The following LRCH3 variants were observed in gnomAD, a reference collection of about 807,000 sequenced individuals.
LRCH3 encodes the protein DISP complex protein LRCH3.
Under a neutral mutation model 104.5 loss-of-function variants are expected in LRCH3, and 68 were observed. The observed-to-expected ratio is 0.65, with a 90% CI of 0.54 to 0.80. The LOEUF (loss-of-function observed/expected upper bound fraction) is 0.80. LRCH3 is among the 30% of genes least tolerant of loss of function. LRCH3 has a pLI of 0.00. For missense variants in LRCH3, 951 were observed against 953.9 expected (o/e 1.00, Z 0.04); for synonymous variants, 344 against 361.3 (o/e 0.95, Z 0.54).
At chr3:197,797,919 A>C (rs988746415) in intron 1 of LRCH3, among the ~76,000 whole-genome samples, 1 of 151,514 alleles carries the variant, frequency 6.6e-6, no homozygotes, top group African/African-American at 2.4e-5. Context: ...TCCTAAAACC[A>C]GAAGGAACCA....
At position 197,886,156 on chromosome 3, in the gene LRCH3, T is replaced by C. The variant is rs1313042741; in HGVS notation, c.*2490T>C. On this transcript the variant is annotated 3_prime_UTR_variant, in exon 21 of 21. Coordinates refer to ENST00000425562, the MANE Select transcript of LRCH3 (RefSeq NM_001365715.1). ...GAGTTTGAGAGCAGCCTGGGCAACA[T>C]AGCAAGACCCTGTCTCCCAAAAATT... 1 of 142,620 alleles carries C rather than the reference T, an allele frequency of 7.0e-6. No homozygotes were observed. Among genetic ancestry groups the C allele is most frequent in the East Asian group, 2.1e-4 (1 of 4,858 alleles). 8.8% of individuals were successfully genotyped at this position (142,620 alleles called of 1,614,324 possible).
chr3:197,839,475 CTGTG>C, intron 10 of LRCH3, 78 bp downstream of exon 10: 2 of 813,238 alleles, frequency 2.5e-6, no homozygotes, highest in Non-Finnish European at 3.9e-6. Context: ...TTATGCAGAT[CTGTG>C]TGTAATAAAG....
chr3:197,817,333 T>TGTGTGTGTATTTTGTGTGTGTGTGCGTGC lies in LRCH3; in HGVS notation c.534+39_534+40insATTTTGTGTGTGTGTGCGTGCGTGTGTGT. The TGTGTGTGTATTTTGTGTGTGTGTGCGTGC allele has an allele frequency of 7.8e-6, 4 of 509,900 alleles. 2 individuals are homozygous for TGTGTGTGTATTTTGTGTGTGTGTGCGTGC. Among genetic ancestry groups the TGTGTGTGTATTTTGTGTGTGTGTGCGTGC allele is most frequent in the Non-Finnish European group, 1.1e-5 (4 of 355,298 alleles). 31.6% of individuals were successfully genotyped at this position (509,900 alleles called of 1,614,324 possible). On this transcript the variant is annotated intron_variant, in intron 3 of 20. Coordinates refer to ENST00000425562, the MANE Select transcript of LRCH3 (RefSeq NM_001365715.1). ...TTAATATTTTTGATTGTCCAACATG[T>TGTGTGTGTATTTTGTGTGTGTGTGCGTGC]GTGTGTGTGTGTCTGTGTGTGTGTG... is the stretch of plus-strand genomic sequence containing the variant.
chr3:197,848,097 T>G, intron 12 of LRCH3, 76 bp downstream of exon 12: 1 of 1,462,862 alleles, frequency 6.8e-7, no homozygotes. Context: ...CCGTTGGTTT[T>G]TATTGTCCAT....
intron 20 of LRCH3, chr3:197,882,757 A>G (rs959429442): frequency 2.0e-6 from 2 of 985,280 alleles, no homozygotes; most frequent in African/African-American, 3.5e-5. Context: ...GGAAGCGTTT[A>G]ACTTCCTCAA....
chr3:197,828,615 G>T (rs1048682074), intron 5 of LRCH3, among the ~76,000 whole-genome samples: 3 of 151,074 alleles, frequency 2.0e-5, no homozygotes, highest in African/African-American at 7.3e-5. Flanking sequence ...AAAGTGCTGG[G>T]ATTACAGGTG....
chr3:197,843,745 A>G (rs1244370956), intron 10 of LRCH3, among the ~76,000 whole-genome samples: 1 of 152,106 alleles, frequency 6.6e-6, no homozygotes, highest in Non-Finnish European at 1.5e-5. Flanking sequence ...AAGTAAGTTC[A>G]AGATTTAAAG....
At chr3:197,808,457 T>C (rs1243064053) in intron 1 of LRCH3, among the ~76,000 whole-genome samples, 1 of 152,220 alleles carries the variant, frequency 6.6e-6, no homozygotes, top group East Asian at 1.9e-4. Context: ...TTACTTTCTA[T>C]TTAGAGAACT....
At chr3:197,831,600 T>C (rs1735945200) in intron 7 of LRCH3, among the ~76,000 whole-genome samples, 1 of 152,072 alleles carries the variant, frequency 6.6e-6, no homozygotes, top group African/African-American at 2.4e-5. Flanking sequence ...CAGATATATA[T>C]GTAGATATTT....
rs1389988558 is a variant in LRCH3, at chr3:197,875,711, TGGCGAAATGCA to T, written c.2154_2164del (p.Arg719GlyfsTer75). The T allele has an allele frequency of 2.6e-6, 4 of 1,534,548 alleles. No individual in the cohort carries two copies. The highest frequency in any genetic ancestry group is 1.2e-5 in the South Asian group (1 of 83,862). ...TCCTCATTTCAGCCTAAATTAACAATGGCGAAATGCAGGCGAAATGTGGAAAATTTCCTAGA... is the reference window on the plus strand; with the variant it reads ...TCCTCATTTCAGCCTAAATTAACAATGGCGAAATGTGGAAAATTTCCTAGA... On this transcript the variant is annotated frameshift_variant, in exon 20 of 21. Coordinates refer to ENST00000425562, the MANE Select transcript of LRCH3 (RefSeq NM_001365715.1). LOFTEE classifies it high-confidence loss of function.
At chr3:197,829,137 G>A (rs147569739) in intron 5 of LRCH3, among the ~76,000 whole-genome samples, 44 of 152,268 alleles carry the variant, frequency 2.9e-4, no homozygotes, top group African/African-American at 9.6e-4. Flanking sequence ...TATATGTAAT[G>A]TTTCATGATT....
rs953582616 is a variant in LRCH3, at chr3:197,883,543, G to A, written c.2211G>A (p.Glu737=). The A allele has an allele frequency of 3.3e-6, 5 of 1,535,390 alleles. No homozygotes were observed. The highest frequency in any genetic ancestry group is 2.7e-5 in the African/African-American group (2 of 73,104). Residue 737 remains glutamate (E), a splice_region_variant and synonymous_variant, in exon 21 of 21, where the codon GAG becomes GAA. Coordinates refer to ENST00000425562, the MANE Select transcript of LRCH3 (RefSeq NM_001365715.1). The surrounding 1 kb of genome is among the most constrained non-coding windows in gnomAD (Gnocchi z 4.2). The part of the protein sequence containing the change: ...EACRKIGVPQ[E]QLCLPLHILE... ...TCATGTTACGTTGTCCCTTTCAGGA[G>A]CAATTATGTTTGCCTCTCCACATTT...
intron 15 of LRCH3, among the ~76,000 whole-genome samples, chr3:197,860,971 CTT>C (rs5855654): frequency 4.4e-5 from 6 of 137,372 alleles, no homozygotes; most frequent in Admixed American, 1.5e-4. Context: ...CTGACCCCAA[CTT>C]TTTTTTTTTT....
chr3:197,847,793 G>C (rs893935915), intron 11 of LRCH3, 79 bp from the exon 12 acceptor site: 29 of 1,382,370 alleles, frequency 2.1e-5, no homozygotes, highest in Non-Finnish European at 2.8e-5. Flanking sequence ...GTCAACAGTA[G>C]TTCCCTAAAT....
At chr3:197,841,874 C>T (rs1042452350) in intron 10 of LRCH3, among the ~76,000 whole-genome samples, 8 of 150,976 alleles carry the variant, frequency 5.3e-5, no homozygotes, top group Non-Finnish European at 1.5e-5. Context: ...GCTCTATTGC[C>T]TTAGGCTGGG....
In LRCH3 at chr3:197,820,365, T is replaced by C. The variant is rs375445971; in HGVS notation, c.575T>C (p.Ile192Thr). The C allele has an allele frequency of 1.9e-5, 30 of 1,613,304 alleles. No homozygotes were observed. The African/African-American group carries it at 2.7e-4, about 14-fold the overall frequency. The change falls in exon 4 of 21, where the codon ATT (isoleucine) becomes ACT (threonine). Residue 192 changes from isoleucine to threonine, a missense_variant. Transcript: ENST00000425562. ...CNEIQTIPSQIGNLEALRDLN... is the reference protein window; with the variant it reads ...CNEIQTIPSQTGNLEALRDLN... ...GAAATTCAAACTATACCTTCCCAAA[T>C]TGGTAACCTGGAGGCCTTGAGAGAC...
At chr3:197,817,588 A>G (rs1299978395) in intron 3 of LRCH3, among the ~76,000 whole-genome samples, 1 of 151,664 alleles carries the variant, frequency 6.6e-6, no homozygotes, top group Non-Finnish European at 1.5e-5. Context: ...GGTCATTAGA[A>G]TTAGGTTCTA....
chr3:197,863,461 A>G (rs184256016), intron 15 of LRCH3, among the ~76,000 whole-genome samples: 1 of 152,150 alleles, frequency 6.6e-6, no homozygotes, highest in East Asian at 1.9e-4. Flanking sequence ...GGGTTTCACC[A>G]TGTTGGCCAG....
intron 20 of LRCH3, among the ~76,000 whole-genome samples, chr3:197,879,998 T>C (rs376994167): frequency 8.0e-5 from 12 of 149,942 alleles, no homozygotes; most frequent in East Asian, 3.9e-4. Context: ...CAGGCTGGAG[T>C]GCGGTGGCGC....
Sources: allele counts gnomAD v4.1 joint callset (sites outside exome capture counted in the v4.1 genomes callset), GRCh38; gene constraint gnomAD v4.1.1; non-coding constraint Gnocchi (gnomAD v3.1); transcripts MANE v1.5; gene names NCBI Gene and HGNC (gene_info 2026-07-23, HGNC 2026-07-21).